The following CHRNA1 variants were observed in gnomAD, a reference collection of about 807,000 sequenced individuals.
CHRNA1 encodes acetylcholine receptor subunit alpha.
CHRNA1 carries 35 observed loss-of-function variants against 47.1 expected under a neutral mutation model. The observed-to-expected ratio is 0.74, with a 90% confidence interval of 0.57 to 0.99. CHRNA1 has a LOEUF of 0.99. CHRNA1 is among the 50% of genes least tolerant of loss of function. The pLI is 0.00. For missense variants in CHRNA1, 506 were observed against 591.1 expected (o/e 0.86, Z 1.49); for synonymous variants, 229 against 223.6 (o/e 1.02, Z -0.22).
chr2:174,761,986 C>T (rs1268371771), intron 1 of CHRNA1, among the ~76,000 whole-genome samples: 1 of 152,208 alleles, frequency 6.6e-6, no homozygotes, highest in African/African-American at 2.4e-5. Flanking sequence ...GAGGGCAGAG[C>T]AGATGGTCAG....
intron 6 of CHRNA1, 66 bp downstream of exon 6, chr2:174,753,437 C>T (rs750568031): frequency 3.7e-5 from 54 of 1,445,796 alleles, no homozygotes; most frequent in Non-Finnish European, 5.1e-5. Context: ...TTATTTCTGG[C>T]TTCCCCAAAA....
intron 1 of CHRNA1, among the ~76,000 whole-genome samples, chr2:174,761,643 G>A (rs184421638): frequency 6.6e-6 from 1 of 152,232 alleles, no homozygotes; most frequent in Admixed American, 6.5e-5. Context: ...AACCCAAAAT[G>A]TTCCAAGGGC....
rs35874191 is a variant in CHRNA1, at chr2:174,757,490, C to T, written c.344+76G>A. 1.5e-4 allele frequency: 151 copies of T among 1,004,174 alleles called. 1 individual carries two copies. The highest frequency in any genetic ancestry group is 9.4e-4 in the East Asian group (39 of 41,354). The allele number at this position is 1,004,174 out of a possible 1,614,324, so 62.2% of individuals were successfully genotyped here. A position where few individuals can be genotyped will look rare whatever the true frequency, so the allele number is the denominator to read the frequency against. The stretch of plus-strand genomic sequence containing the variant: ...TAGCAGTGGTGAGAAGCATTCCGAG[C>T]GCGCAGCCCTTCTATTAGGGCACTT... On this transcript the variant is annotated intron_variant, in intron 4 of 8. Transcript: ENST00000348749.
chr2:174,754,539 G>T lies in CHRNA1; in HGVS notation c.345-125C>A, dbSNP rs1445959874. On this transcript the variant is annotated intron_variant, in intron 4 of 8. Transcript: ENST00000348749. ...GCTAATTATAGAAGCTCTGTTTCGG[G>T]CAGCGTCACTTTTTATCTATTGCAA... The T allele has an allele frequency of 3.6e-6, 3 of 823,450 alleles. No individual in the cohort carries two copies. The Admixed American group carries it at 6.1e-5, about 17-fold the overall frequency. The allele number at this position is 823,450 out of a possible 1,614,324, so 51.0% of individuals were successfully genotyped here.
At chr2:174,757,292 C>T (rs767154812) in intron 4 of CHRNA1, among the ~76,000 whole-genome samples, 3 of 151,946 alleles carry the variant, frequency 2.0e-5, no homozygotes, top group African/African-American at 4.8e-5. Context: ...ACCCCTAGCC[C>T]GTCAACTTGG....
At chr2:174,759,442 T>A (rs1684048517) in intron 2 of CHRNA1, 46 bp downstream of exon 2, 2 of 1,613,246 alleles carry the variant, frequency 1.2e-6, no homozygotes, top group East Asian at 4.5e-5. Context: ...AACCCAGGGG[T>A]GAGAGGTGTG....
chr2:174,756,230 A>C (rs1683978524), intron 4 of CHRNA1, among the ~76,000 whole-genome samples: 1 of 152,028 alleles, frequency 6.6e-6, no homozygotes, highest in South Asian at 2.1e-4. Context: ...TGGACTACTT[A>C]CTCTTCCCGT....
Position 174,753,701 on chromosome 2 carries a change from C to T in CHRNA1, c.580G>A (p.Gly194Arg), listed in dbSNP as rs201147926. 36 of 1,614,056 alleles carry T rather than the reference C, an allele frequency of 2.2e-5. No individual in the cohort carries two copies. The Middle Eastern group carries it at 6.6e-4, about 30-fold the overall frequency. Residue 194 changes from glycine (G) to arginine (R), a missense_variant, in exon 6 of 9, where the codon GGG becomes AGG. Transcript: ENST00000348749. ...QPDLSNFMES[G>R]EWVIKESRGW... ...CGGGACTCCTTGATCACCCACTCCC[C>T]GCTCTCCATGAAGTTGCTCAGGTCT...
At chr2:174,756,036 CAAAAAAAAA>C (rs11357910) in intron 4 of CHRNA1, among the ~76,000 whole-genome samples, 2 of 140,844 alleles carry the variant, frequency 1.4e-5, no homozygotes, top group Admixed American at 7.0e-5. Flanking sequence ...GACCTTGTCT[CAAAAAAAAA>C]AAAAAAAATC....
intron 4 of CHRNA1, among the ~76,000 whole-genome samples, chr2:174,755,651 C>T (rs1383884894): frequency 1.3e-5 from 2 of 152,122 alleles, no homozygotes; most frequent in African/African-American, 2.4e-5. Flanking sequence ...ATCTCCTGAC[C>T]TTGTGATCTG....
Position 174,749,972 on chromosome 2 carries a change from G to A in CHRNA1, c.976C>T (p.His326Tyr). Reference protein sequence around the residue: ...INTHHRSPSTHVMPNWVRKVF... With the variant: ...INTHHRSPSTYVMPNWVRKVF... ...TTCCGCACCCAGTTGGGCATGACAT[G>A]GGTGCTGGGTGAGCGGTGGTGTGTG... Residue 326 changes from histidine (H) to tyrosine (Y), a missense_variant, in exon 7 of 9, where the codon CAT (histidine) becomes TAT (tyrosine). Physicochemically the swap from His to Tyr is moderately conservative, Grantham distance 83 (BLOSUM62 2). Coordinates refer to ENST00000348749, the MANE Select transcript of CHRNA1 (RefSeq NM_000079.4). The A allele has an allele frequency of 6.2e-7, 1 of 1,614,122 alleles. No homozygotes were observed.
At chr2:174,758,996 A>C (rs1684038310) in intron 3 of CHRNA1, among the ~76,000 whole-genome samples, 1 of 152,192 alleles carries the variant, frequency 6.6e-6, no homozygotes, top group Non-Finnish European at 1.5e-5. Flanking sequence ...AGAGAGTCCT[A>C]GGACAGATTC....
rs536229089 is a variant in CHRNA1, at chr2:174,759,601, G to A, written c.76C>T (p.Arg26Cys). 5.5e-5 allele frequency: 89 copies of A among 1,613,836 alleles called. 1 individual carries two copies. The East Asian group carries it at 1.3e-3, about 24-fold the overall frequency. The change falls in exon 2 of 9, where the codon CGT (arginine) becomes TGT (cysteine). Residue 26 changes from arginine to cysteine, a missense_variant. Arg to Cys is a radical substitution (Grantham distance 180). Coordinates refer to ENST00000348749, the MANE Select transcript of CHRNA1 (RefSeq NM_000079.4). ...TCTTTAAATAGCTTTGCCACCAGAC[G>A]GGTCTCATGTTCGGAGCCCAGGACG... Reference protein sequence around the residue: ...GLVLGSEHETRLVAKLFKDYS... With the variant: ...GLVLGSEHETCLVAKLFKDYS...
intron 4 of CHRNA1, among the ~76,000 whole-genome samples, chr2:174,756,673 G>A (rs1683985703): frequency 6.6e-6 from 1 of 152,166 alleles, no homozygotes; most frequent in Non-Finnish European, 1.5e-5. Flanking sequence ...CGGATAATTT[G>A]GCTCAAGCTT....
chr2:174,754,127 G>C, intron 5 of CHRNA1, 92 bp downstream of exon 5: 1 of 1,155,768 alleles, frequency 8.7e-7, no homozygotes, highest in Non-Finnish European at 1.3e-6. Flanking sequence ...GTTCTAACTG[G>C]TACTGAGAGC....
At chr2:174,755,128 G>A (rs766158349) in intron 4 of CHRNA1, among the ~76,000 whole-genome samples, 22 of 152,052 alleles carry the variant, frequency 1.4e-4, no homozygotes, top group African/African-American at 4.8e-5. Flanking sequence ...CAAGTGATCC[G>A]CCTGCCTTGG....
At chr2:174,754,109 A>G (rs1026037308) in intron 5 of CHRNA1, 110 bp downstream of exon 5, 2 of 1,013,696 alleles carry the variant, frequency 2.0e-6, no homozygotes, top group African/African-American at 3.2e-5. Context: ...AAACTAGATG[A>G]TTCCTAAGTT....
chr2:174,764,322 C>A, intron 1 of CHRNA1, 30 bp downstream of exon 1: 2 of 1,609,038 alleles, frequency 1.2e-6, no homozygotes. Context: ...AAAGGAGAGC[C>A]CTCTCCCCAC....
At chr2:174,756,425 C>T (rs562013191) in intron 4 of CHRNA1, among the ~76,000 whole-genome samples, 12 of 152,206 alleles carry the variant, frequency 7.9e-5, no homozygotes, top group South Asian at 6.2e-4. Context: ...GGCTCTTTAC[C>T]TGGAAAACTA....
Sources: gnomAD v4.1 joint callset for allele counts (sites outside exome capture counted in the v4.1 genomes callset) on GRCh38, gnomAD v4.1.1 for gene constraint, MANE v1.5 for transcripts, NCBI Gene and HGNC (gene_info 2026-07-23, HGNC 2026-07-21) for gene names.